Variants in ZNF486 observed in about 807,000 individuals in gnomAD.
ZNF486 encodes the protein zinc finger protein 486.
A neutral mutation model predicts 12.8 loss-of-function variants in ZNF486; 12 were observed. The observed-to-expected ratio is 0.94, with a 90% confidence interval of 0.60 to 1.52. The LOEUF (loss-of-function observed/expected upper bound fraction) is 1.52, where lower values mean the gene tolerates loss of function less well. ZNF486 is among the 40% of genes most tolerant of loss of function. The pLI is 0.00. For synonymous variants in ZNF486, 231 were observed against 184.9 expected (o/e 1.25, Z -2.02); for missense variants, 738 against 545.0 (o/e 1.35, Z -3.53).
chr19:20,198,036 T>A lies in ZNF486; in HGVS notation c.1326T>A (p.Ala442=), dbSNP rs377384742. The change falls in exon 4 of 4, where the codon GCT becomes GCA. Residue 442 remains alanine, a synonymous_variant. Coordinates refer to ENST00000335117, the MANE Select transcript of ZNF486 (RefSeq NM_052852.4). The part of the protein sequence containing the change: ...KPYKCKECGK[A]FNWSSDLNKH... ...ACAAATGTAAAGAATGTGGCAAAGC[T>A]TTTAACTGGTCCTCAGACCTTAATA... 38 of 1,612,336 alleles carry A rather than the reference T, an allele frequency of 2.4e-5. No individual in the cohort carries two copies. Among genetic ancestry groups the A allele is most frequent in the Non-Finnish European group, 3.2e-5 (38 of 1,179,082 alleles).
chr19:20,192,021 G>A (rs1555717269), intron 3 of ZNF486, among the ~76,000 whole-genome samples: 1 of 152,000 alleles, frequency 6.6e-6, no homozygotes, highest in East Asian at 1.9e-4. Flanking sequence ...CATATAGATA[G>A]ATAAATAATA....
At chr19:20,185,404 GTTTTTTTTTT>G (rs782413355) in intron 2 of ZNF486, among the ~76,000 whole-genome samples, 2 of 69,604 alleles carry the variant, frequency 2.9e-5, no homozygotes, top group African/African-American at 6.4e-5. Flanking sequence ...TATTGTTTAT[GTTTTTTTTTT>G]TTTTTTTTTT....
At chr19:20,177,673 C>G (rs1278003808) in intron 1 of ZNF486, among the ~76,000 whole-genome samples, 1 of 152,018 alleles carries the variant, frequency 6.6e-6, no homozygotes, top group Non-Finnish European at 1.5e-5. Context: ...CTCCCAGGTT[C>G]AAGTGATTCT....
chr19:20,194,786 T>G (rs1360752283), intron 3 of ZNF486, among the ~76,000 whole-genome samples: 1 of 152,216 alleles, frequency 6.6e-6, no homozygotes, highest in Non-Finnish European at 1.5e-5. Context: ...GAACATCATT[T>G]TTATCTTGTA....
Position 20,184,040 on chromosome 19 carries a change from TATTCATAACTG to T in ZNF486, c.31-311_31-301del, listed in dbSNP as rs1344162426. On this transcript the variant is annotated intron_variant, in intron 1 of 3. Coordinates refer to ENST00000335117, the MANE Select transcript of ZNF486 (RefSeq NM_052852.4). ...CAACATGTCTTTTCTGTCTGAAAAA[TATTCATAACTG>T]ATTCTGTATGATGTAAATATAGCAC... is the stretch of plus-strand genomic sequence containing the variant. Among the ~76,000 whole-genome samples, 19 of 152,260 alleles carry T rather than the reference TATTCATAACTG, an allele frequency of 1.2e-4. No individual in the cohort carries two copies. The South Asian group carries it at 3.9e-3, about 32-fold the overall frequency.
chr19:20,179,693 C>A (rs1464674164), intron 1 of ZNF486, among the ~76,000 whole-genome samples: 1 of 152,090 alleles, frequency 6.6e-6, no homozygotes, highest in Non-Finnish European at 1.5e-5. Context: ...TAACAAAAGT[C>A]ATTTTCTGCA....
intron 1 of ZNF486, chr19:20,176,430 G>T (rs889875647): frequency 4.9e-6 from 1 of 203,242 alleles, no homozygotes; most frequent in Non-Finnish European, 9.9e-6. Flanking sequence ...GGTGGCGGCC[G>T]GGCAGAGGCT....
At chr19:20,192,058 T>C (rs2089908215) in intron 3 of ZNF486, among the ~76,000 whole-genome samples, 1 of 152,198 alleles carries the variant, frequency 6.6e-6, no homozygotes, top group African/African-American at 2.4e-5. Flanking sequence ...GTAAATTAAC[T>C]CACTTTACCA....
chr19:20,172,793 C>G (rs1347193966), intron 1 of ZNF486, among the ~76,000 whole-genome samples: 1 of 149,202 alleles, frequency 6.7e-6, no homozygotes, highest in East Asian at 1.9e-4. Flanking sequence ...ACATGTGCCA[C>G]CACCACACCC....
At chr19:20,180,481 G>A (rs1042063173) in intron 1 of ZNF486, among the ~76,000 whole-genome samples, 3 of 152,158 alleles carry the variant, frequency 2.0e-5, no homozygotes, top group Non-Finnish European at 4.4e-5. Flanking sequence ...ATATAGATGT[G>A]TCCAGAACCT....
At position 20,197,347 on chromosome 19, in the gene ZNF486, G is replaced by A. The variant is rs1390392774; in HGVS notation, c.637G>A (p.Glu213Lys). 2 of 1,613,430 alleles carry A rather than the reference G, an allele frequency of 1.2e-6. No homozygotes were observed. The highest frequency in any genetic ancestry group is 1.7e-6 in the Non-Finnish European group (2 of 1,179,706). ...TACTGGAGAGAAACCATACAAATGTGAAGAATGTGGCAAAGCCTTCAACCG... is the reference window on the plus strand; with the variant it reads ...TACTGGAGAGAAACCATACAAATGTAAAGAATGTGGCAAAGCCTTCAACCG... ...IDTGEKPYKCEECGKAFNRSS... is the reference protein window; with the variant it reads ...IDTGEKPYKCKECGKAFNRSS... The change falls in exon 4 of 4, where the codon GAA becomes AAA. Residue 213 changes from glutamate (E) to lysine (K), a missense_variant. By Grantham distance (56) the Glu-to-Lys change is moderately conservative. Transcript: ENST00000335117.
intron 1 of ZNF486, among the ~76,000 whole-genome samples, chr19:20,169,649 T>A (rs2089625261): frequency 6.6e-6 from 1 of 152,058 alleles, no homozygotes; most frequent in African/African-American, 2.4e-5. Context: ...AACGTCAGAT[T>A]TATGTAAAAA....
intron 3 of ZNF486, among the ~76,000 whole-genome samples, chr19:20,189,656 G>T (rs1218666650): frequency 2.6e-5 from 4 of 151,862 alleles, no homozygotes; most frequent in Non-Finnish European, 4.4e-5. Context: ...AAATCTTTTT[G>T]TTCATTTTTA....
Position 20,189,987 on chromosome 19 carries a change from C to G in ZNF486, c.253+3905C>G, listed in dbSNP as rs376846532. 2.6e-5 allele frequency among the ~76,000 whole-genome samples: 4 copies of G among 152,184 alleles called. No individual in the cohort carries two copies. In the South Asian group the frequency reaches 6.2e-4, roughly 24 times the overall value. ...GTTTAAAATATATTTTTGTATCGTTCAAGGAAATAACCCAATTTTATTTTA... is the reference window on the plus strand; with the variant it reads ...GTTTAAAATATATTTTTGTATCGTTGAAGGAAATAACCCAATTTTATTTTA... On this transcript the variant is annotated intron_variant, in intron 3 of 3. Coordinates refer to ENST00000335117, the MANE Select transcript of ZNF486 (RefSeq NM_052852.4).
At chr19:20,195,506 A>G (rs896352165) in intron 3 of ZNF486, among the ~76,000 whole-genome samples, 1 of 152,156 alleles carries the variant, frequency 6.6e-6, no homozygotes, top group Non-Finnish European at 1.5e-5. Flanking sequence ...TACTTTGTAT[A>G]CTTTTTATGG....
chr19:20,199,522 G>A lies in ZNF486; in HGVS notation c.*1420G>A, dbSNP rs534170856. On this transcript the variant is annotated 3_prime_UTR_variant, in exon 4 of 4. Coordinates refer to ENST00000335117, the MANE Select transcript of ZNF486 (RefSeq NM_052852.4). ...AAGGTGGGAGGATCACCTGATGTCG[G>A]GAGTTTGAGATCAGACTGACCAAAA... 2.0e-5 allele frequency: 3 copies of A among 151,370 alleles called. No homozygotes were observed. The highest frequency in any genetic ancestry group is 6.6e-5 in the Admixed American group (1 of 15,172). The allele number at this position is 151,370 out of a possible 1,614,324, so 9.4% of individuals were successfully genotyped here.
chr19:20,182,709 A>G (rs537415032), intron 1 of ZNF486, among the ~76,000 whole-genome samples: 2 of 152,206 alleles, frequency 1.3e-5, no homozygotes, highest in East Asian at 3.9e-4. Flanking sequence ...ATCTTCATGG[A>G]GCAATTCATT....
intron 3 of ZNF486, among the ~76,000 whole-genome samples, chr19:20,190,551 ATTGT>A (rs782275726): frequency 6.6e-6 from 1 of 151,944 alleles, no homozygotes; most frequent in Non-Finnish European, 1.5e-5. Context: ...TGTCTGCCTA[ATTGT>A]TTGCTTGTTT....
chr19:20,173,678 A>C (rs1242243964), intron 1 of ZNF486, among the ~76,000 whole-genome samples: 1 of 152,092 alleles, frequency 6.6e-6, no homozygotes, highest in African/African-American at 2.4e-5. Context: ...AAATACAAAA[A>C]AAAATTAGTC....
Sources: gnomAD v4.1 joint callset for allele counts (sites outside exome capture counted in the v4.1 genomes callset) on GRCh38, gnomAD v4.1.1 for gene constraint, MANE v1.5 for transcripts, NCBI Gene and HGNC (gene_info 2026-07-23, HGNC 2026-07-21) for gene names.